Variants in B3GALT1 observed in about 807,000 individuals in gnomAD.
The protein encoded by B3GALT1 is UDP-Gal:betaGlcNAc beta 1,3-galactosyltransferase, polypeptide 1.
A neutral mutation model predicts 23.2 loss-of-function variants in B3GALT1; 10 were observed. The ratio of observed to expected loss-of-function variants is 0.43; its 90% CI spans 0.27 to 0.73. The LOEUF (loss-of-function observed/expected upper bound fraction) is 0.73. Among genes scored for constraint, B3GALT1 ranks in the 30% least tolerant of loss-of-function variants. The pLI is 0.21. For missense variants in B3GALT1, 299 were observed against 405.4 expected (o/e 0.74, Z 2.25); for synonymous variants, 156 against 141.5 (o/e 1.10, Z -0.73).
chr2:167,356,585 T>C (rs1697415728), intron 1 of B3GALT1, among the ~76,000 whole-genome samples: 1 of 152,150 alleles, frequency 6.6e-6, no homozygotes, highest in South Asian at 2.1e-4. Flanking sequence ...TAAATAAAGC[T>C]AGCTGCAAAT....
chr2:167,545,740 A>G (rs929256917), intron 2 of B3GALT1, among the ~76,000 whole-genome samples: 5 of 152,152 alleles, frequency 3.3e-5, no homozygotes, highest in African/African-American at 1.2e-4. Context: ...AGATTCAGTA[A>G]TCTGTCAGGA....
At chr2:167,420,551 G>A (rs1698530985) in intron 1 of B3GALT1, among the ~76,000 whole-genome samples, 1 of 152,204 alleles carries the variant, frequency 6.6e-6, no homozygotes, top group Non-Finnish European at 1.5e-5. Context: ...TACACATGGG[G>A]CTAACCTCAG....
At chr2:167,666,053 T>A (rs1558942080) in intron 3 of B3GALT1, among the ~76,000 whole-genome samples, 1 of 152,220 alleles carries the variant, frequency 6.6e-6, no homozygotes, top group Non-Finnish European at 1.5e-5. Flanking sequence ...AATTGTGATG[T>A]TAGGATATTT....
At chr2:167,302,949 G>A (rs997337954) in intron 1 of B3GALT1, among the ~76,000 whole-genome samples, 1 of 152,114 alleles carries the variant, frequency 6.6e-6, no homozygotes, top group African/African-American at 2.4e-5. Context: ...GAAATAAATG[G>A]AATTTTTCTA....
chr2:167,438,485 T>A (rs1250714727), intron 1 of B3GALT1, among the ~76,000 whole-genome samples: 1 of 152,218 alleles, frequency 6.6e-6, no homozygotes, highest in Non-Finnish European at 1.5e-5. Context: ...AATTACTTAA[T>A]GTCTTATTGG....
chr2:167,634,240 G>A (rs1199416308), intron 2 of B3GALT1, among the ~76,000 whole-genome samples: 2 of 152,098 alleles, frequency 1.3e-5, no homozygotes, highest in African/African-American at 4.8e-5. Flanking sequence ...GCCCACAGGA[G>A]AAAGCAGGAA....
chr2:167,403,622 G>A (rs568457544), intron 1 of B3GALT1, among the ~76,000 whole-genome samples: 1 of 152,276 alleles, frequency 6.6e-6, no homozygotes, highest in East Asian at 1.9e-4. Flanking sequence ...GGCATGAGGA[G>A]TAGTGGCAAA....
intron 3 of B3GALT1, among the ~76,000 whole-genome samples, chr2:167,670,351 C>T (rs1686301826): frequency 1.3e-5 from 2 of 152,160 alleles, no homozygotes; most frequent in Non-Finnish European, 2.9e-5. Context: ...TAGGCACACC[C>T]ATAGAAAAAG....
chr2:167,681,434 C>G lies in B3GALT1; in HGVS notation c.-352+34468C>G, dbSNP rs114052570. ...GGTTGCTGTTAACCAGGCAAAACAT[C>G]TGGAAGCCATCTGCTAGAGTTCATG... On this transcript the variant is annotated intron_variant, in intron 3 of 4. Coordinates refer to ENST00000392690, the MANE Select transcript of B3GALT1 (RefSeq NM_020981.4). Among the ~76,000 whole-genome samples, 873 of 152,316 alleles carry G rather than the reference C, an allele frequency of 5.7e-3. 4 individuals are homozygous for G. The highest frequency in any genetic ancestry group is 0.01 in the Non-Finnish European group (682 of 68,022).
At chr2:167,453,877 T>C (rs1397832372) in intron 1 of B3GALT1, among the ~76,000 whole-genome samples, 3 of 152,238 alleles carry the variant, frequency 2.0e-5, no homozygotes, top group African/African-American at 7.2e-5. Flanking sequence ...ATGATAAGAC[T>C]GATTGATATA....
At chr2:167,687,876 C>G (rs1046887942) in intron 3 of B3GALT1, among the ~76,000 whole-genome samples, 2 of 151,796 alleles carry the variant, frequency 1.3e-5, no homozygotes, top group Non-Finnish European at 2.9e-5. Flanking sequence ...ATACGATAGG[C>G]GATTAAATTG....
chr2:167,311,681 A>G (rs928723799), intron 1 of B3GALT1, among the ~76,000 whole-genome samples: 1 of 152,050 alleles, frequency 6.6e-6, no homozygotes, highest in African/African-American at 2.4e-5. Flanking sequence ...TCATATTAAG[A>G]TTATGAATTG....
At chr2:167,495,459 G>A (rs1419177521) in intron 2 of B3GALT1, among the ~76,000 whole-genome samples, 2 of 150,746 alleles carry the variant, frequency 1.3e-5, no homozygotes, top group South Asian at 2.1e-4. Context: ...TCAGCCTCCC[G>A]AGTAGCTGGG....
chr2:167,655,443 A>T (rs1050560784), intron 3 of B3GALT1, among the ~76,000 whole-genome samples: 1 of 152,218 alleles, frequency 6.6e-6, no homozygotes, highest in East Asian at 1.9e-4. Context: ...AAATTTTATC[A>T]TGCAAATTTC....
intron 1 of B3GALT1, among the ~76,000 whole-genome samples, chr2:167,325,980 T>C (rs1437919885): frequency 3.9e-5 from 6 of 152,034 alleles, no homozygotes; most frequent in African/African-American, 1.4e-4. Context: ...CCTCCCAAAG[T>C]GCTAGGATTA....
intron 3 of B3GALT1, among the ~76,000 whole-genome samples, chr2:167,693,719 T>C (rs191682132): frequency 6.6e-6 from 1 of 152,248 alleles, no homozygotes; most frequent in Non-Finnish European, 1.5e-5. Flanking sequence ...CTTTACTGCA[T>C]TTGGTACTAT....
rs141781608 is a variant in B3GALT1 at position 167,341,857 on chromosome 2, C to A, written c.-511+48523C>A. Among the ~76,000 whole-genome samples, 924 of 152,238 alleles carry A rather than the reference C, an allele frequency of 6.1e-3. 5 individuals carry two copies. Among genetic ancestry groups the A allele is most frequent in the African/African-American group, 0.02 (846 of 41,524 alleles). On this transcript the variant is annotated intron_variant, in intron 1 of 4. Transcript: ENST00000392690. ...TATCCAATGAGCTTATCAAAATATT[C>A]ATTCAAATTACTTGGAGTATTCTTT...
intron 2 of B3GALT1, among the ~76,000 whole-genome samples, chr2:167,498,489 T>C (rs1699806786): frequency 6.6e-6 from 1 of 152,198 alleles, no homozygotes; most frequent in South Asian, 2.1e-4. Flanking sequence ...CTTTGTTTCC[T>C]GCTTTCTCTG....
At chr2:167,491,483 C>CTTTTTTTTTTT (rs35378344) in intron 2 of B3GALT1, among the ~76,000 whole-genome samples, 1 of 122,024 alleles carries the variant, frequency 8.2e-6, no homozygotes, top group Non-Finnish European at 1.7e-5. Flanking sequence ...TTTACTTTTG[C>CTTTTTTTTTTT]TTTTTTTTTT....
Sources: allele counts gnomAD v4.1 joint callset (sites outside exome capture counted in the v4.1 genomes callset), GRCh38; gene constraint gnomAD v4.1.1; transcripts MANE v1.5; gene names NCBI Gene and HGNC (gene_info 2026-07-23, HGNC 2026-07-21).